GRM7: variants seen among roughly 807,000 people sequenced by gnomAD.
The protein encoded by GRM7 is glutamate metabotropic receptor 7, also known as metabotropic glutamate receptor 7.
In GRM7, 35 loss-of-function variants were observed where a neutral mutation model predicts 84.5. That is an observed-to-expected ratio of 0.41 (90% confidence interval 0.32 to 0.55). The LOEUF (loss-of-function observed/expected upper bound fraction) is 0.55. Ranked by LOEUF, GRM7 falls within the 20% of genes least tolerant of loss-of-function variation. The pLI, the probability that GRM7 is intolerant of heterozygous loss-of-function variation, is 0.19. For synonymous variants in GRM7, 487 were observed against 455.1 expected, an observed-to-expected ratio of 1.07 and a Z score of -0.89; for missense variants, 1,003 against 1,194.6, an observed-to-expected ratio of 0.84 and a Z score of 2.36.
At chr3:7,555,459 C>A (rs182666312) in intron 7 of GRM7, among the ~76,000 whole-genome samples, 2 of 152,296 alleles carry the variant, frequency 1.3e-5, no homozygotes, top group Admixed American at 1.3e-4. Context: ...GGGGTAGATA[C>A]ATGATTTTCA....
intron 8 of GRM7, among the ~76,000 whole-genome samples, chr3:7,587,651 A>T (rs751969975): frequency 1.3e-5 from 2 of 152,172 alleles, no homozygotes; most frequent in African/African-American, 4.8e-5. Context: ...GCTTGGGCTT[A>T]TGCTTTAAAA....
At chr3:6,888,676 G>A (rs184964122) in intron 1 of GRM7, among the ~76,000 whole-genome samples, 4,261 of 152,172 alleles carry the variant, frequency 0.028, 199 homozygotes, top group African/African-American at 0.096. Flanking sequence ...GATGCCTCCA[G>A]CTTTGTTCTT....
At chr3:7,410,712 C>G (rs564896187) in intron 4 of GRM7, among the ~76,000 whole-genome samples, 2 of 151,012 alleles carry the variant, frequency 1.3e-5, no homozygotes, top group African/African-American at 4.9e-5. Context: ...AAGGACAAGA[C>G]AAGTCTATAT....
rs56313913 is a variant in GRM7, at chr3:7,320,681, AGT to A, written c.1033+14067_1033+14068del. ...TCCTGAACACCATCAGTGGGTGATC[AGT>A]GTGTGTGTGTGTGTGTGTGTGTGTG... On this transcript the variant is annotated intron_variant, in intron 4 of 9. Coordinates refer to ENST00000357716, the MANE Select transcript of GRM7 (RefSeq NM_000844.4). Among the ~76,000 whole-genome samples the A allele has an allele frequency of 7.9e-3, 1,110 of 141,144 alleles. 5 individuals are homozygous for A. Among genetic ancestry groups the A allele is most frequent in the East Asian group, 0.013 (58 of 4,586 alleles). 92.6% of individuals were successfully genotyped at this position (141,144 alleles called of 152,430 possible).
chr3:7,652,256 C>A (rs1698979016), intron 8 of GRM7, among the ~76,000 whole-genome samples: 1 of 152,052 alleles, frequency 6.6e-6, no homozygotes, highest in African/African-American at 2.4e-5. Flanking sequence ...ACAGGACCGT[C>A]CATGGCAAAA....
chr3:7,304,814 T>A (rs560922769), intron 3 of GRM7, among the ~76,000 whole-genome samples: 97 of 152,328 alleles, frequency 6.4e-4, no homozygotes, highest in African/African-American at 2.3e-3. Context: ...TTATTTTGTT[T>A]TTTTTCCCAT....
rs1043976098 is a variant in GRM7, at chr3:7,229,967, G to A, written c.737-68717G>A. Among the ~76,000 whole-genome samples the A allele has an allele frequency of 4.0e-5, 6 of 148,826 alleles. No homozygotes were observed. The East Asian group carries it at 1.2e-3, about 30-fold the overall frequency. ...CCATTCTCCTGCCTCAGCCTCCCGA[G>A]TAGCTGGGACTACAGGCGCCCACCA... On this transcript the variant is annotated intron_variant, in intron 2 of 9. Coordinates refer to ENST00000357716, the MANE Select transcript of GRM7 (RefSeq NM_000844.4).
intron 6 of GRM7, among the ~76,000 whole-genome samples, chr3:7,459,669 C>T (rs565402079): frequency 9.9e-5 from 15 of 152,168 alleles, no homozygotes; most frequent in Admixed American, 4.6e-4. Flanking sequence ...GGGGAAACTG[C>T]CCGCATGATT....
chr3:7,467,337 T>C (rs751136803), intron 7 of GRM7, among the ~76,000 whole-genome samples: 33 of 152,200 alleles, frequency 2.2e-4, no homozygotes, highest in Non-Finnish European at 3.5e-4. Context: ...TCAGTCCGCC[T>C]GAGCCTCCCA....
intron 2 of GRM7, among the ~76,000 whole-genome samples, chr3:7,173,987 T>C (rs1279669387): frequency 1.3e-5 from 2 of 152,248 alleles, no homozygotes; most frequent in Non-Finnish European, 2.9e-5. Context: ...TCGTGCATGG[T>C]CAAATTGCTG....
At chr3:7,338,115 T>TAC (rs141499269) in intron 4 of GRM7, among the ~76,000 whole-genome samples, 7,711 of 146,796 alleles carry the variant, frequency 0.053, 405 homozygotes, top group African/African-American at 0.13. Context: ...TATATTTATG[T>TAC]ACACACACAC....
chr3:7,131,532 T>A (rs186914249), intron 1 of GRM7, among the ~76,000 whole-genome samples: 75 of 152,210 alleles, frequency 4.9e-4, no homozygotes, highest in Admixed American at 1.5e-3. Flanking sequence ...AGGTTGGAGT[T>A]CAGTGGCACG....
chr3:7,415,905 T>A (rs1696139918), intron 5 of GRM7, among the ~76,000 whole-genome samples: 1 of 152,090 alleles, frequency 6.6e-6, no homozygotes, highest in African/African-American at 2.4e-5. Flanking sequence ...ATGTTCTGAG[T>A]GTTATGAGGG....
In GRM7 at chr3:7,669,492, T is replaced by C. The variant is rs189864914; in HGVS notation, c.2452-10557T>C. 2.8e-3 allele frequency among the ~76,000 whole-genome samples: 426 copies of C among 152,300 alleles called. 7 individuals are homozygous for C. The highest frequency in any genetic ancestry group is 0.02 in the Middle Eastern group (6 of 294). ...CTTTGGGCCATGTGAAGGAATATTA[T>C]CTTCATCCAAAGTGTGGTAGAAATT... On this transcript the variant is annotated intron_variant, in intron 8 of 9. Transcript: ENST00000357716.
At position 6,946,968 on chromosome 3, in the gene GRM7, T is replaced by A. The variant is rs532487585; in HGVS notation, c.519+85061T>A. Among the ~76,000 whole-genome samples the A allele has an allele frequency of 9.9e-5, 15 of 152,278 alleles. No individual in the cohort carries two copies. The South Asian group carries it at 3.1e-3, about 32-fold the overall frequency. On this transcript the variant is annotated intron_variant, in intron 1 of 9. Coordinates refer to ENST00000357716, the MANE Select transcript of GRM7 (RefSeq NM_000844.4). ...AGATTTTGGGCTGAGAGGATGGGGT[T>A]TTCTAGATATACAATCATGTCATCT...
intron 8 of GRM7, among the ~76,000 whole-genome samples, chr3:7,644,943 T>G (rs565502052): frequency 2.0e-5 from 3 of 152,254 alleles, no homozygotes; most frequent in Admixed American, 6.5e-5. Flanking sequence ...TGGCTGGTTC[T>G]CCACTGAGAC....
At chr3:7,129,890 T>G (rs1174114083) in intron 1 of GRM7, among the ~76,000 whole-genome samples, 3 of 152,222 alleles carry the variant, frequency 2.0e-5, no homozygotes, top group Non-Finnish European at 4.4e-5. Flanking sequence ...TGGTATTGCT[T>G]AATCATCAAA....
intron 1 of GRM7, among the ~76,000 whole-genome samples, chr3:7,078,813 C>G (rs537463265): frequency 2.0e-5 from 3 of 150,194 alleles, no homozygotes; most frequent in Non-Finnish European, 4.4e-5. Flanking sequence ...AGGCTTCTCT[C>G]CTATTGGCAT....
At chr3:6,964,825 A>G (rs1693451172) in intron 1 of GRM7, among the ~76,000 whole-genome samples, 1 of 152,216 alleles carries the variant, frequency 6.6e-6, no homozygotes, top group African/African-American at 2.4e-5. Flanking sequence ...ATTTCTTGGT[A>G]TCTGACAGCA....
Sources: gnomAD v4.1 joint callset for allele counts (sites outside exome capture counted in the v4.1 genomes callset) on GRCh38, gnomAD v4.1.1 for gene constraint, MANE v1.5 for transcripts, NCBI Gene and HGNC (gene_info 2026-07-23, HGNC 2026-07-21) for gene names.